MID2: variants seen among roughly 807,000 people sequenced by gnomAD.
MID2 encodes the protein probable E3 ubiquitin-protein ligase MID2.
MID2 carries 13 observed loss-of-function variants against 46.1 expected under a neutral mutation model. The observed-to-expected ratio is 0.28, with a 90% CI of 0.18 to 0.45. The LOEUF (loss-of-function observed/expected upper bound fraction) is 0.45. MID2 is among the 20% of genes least tolerant of loss of function. The probability of loss-of-function intolerance (pLI) is 1.00; values close to 1 mark genes in which losing one functional copy is unlikely to be tolerated. For synonymous variants in MID2, 199 were observed against 212.3 expected (o/e 0.94, Z 0.55); for missense variants, 431 against 575.4 (o/e 0.75, Z 2.57).
At chrX:107,827,108 TAAGTA>T (rs747741369) in intron 1 of MID2, among the ~76,000 whole-genome samples, 94 of 112,632 alleles carry the variant, frequency 8.3e-4, no homozygotes, top group Non-Finnish European at 5.6e-4. Context: ...TTGTAAGAAT[TAAGTA>T]AATAACGGCG....
At chrX:107,836,823 A>G (rs1931217556) in intron 1 of MID2, among the ~76,000 whole-genome samples, 1 of 112,044 alleles carries the variant, frequency 8.9e-6, no homozygotes, top group South Asian at 3.7e-4. Flanking sequence ...TATGATAATT[A>G]AAAATCAAAC....
intron 2 of MID2, among the ~76,000 whole-genome samples, chrX:107,846,449 CAACTCAATGCTCATAA>C (rs763862029): frequency 2.0e-3 from 215 of 110,208 alleles, no homozygotes; most frequent in Non-Finnish European, 3.1e-3. Context: ...AACCAGCCTT[CAACTCAATGCTCATAA>C]AATCATTCTT....
intron 5 of MID2, among the ~76,000 whole-genome samples, chrX:107,911,767 C>T (rs1932898585): frequency 9.0e-6 from 1 of 111,370 alleles, no homozygotes; most frequent in African/African-American, 3.3e-5. Flanking sequence ...AGGCGGAATG[C>T]TGGCTTTTTA....
intron 3 of MID2, among the ~76,000 whole-genome samples, chrX:107,890,620 G>A (rs1602489144): frequency 8.9e-6 from 1 of 112,038 alleles, no homozygotes; most frequent in African/African-American, 3.2e-5. Context: ...CTGTGTGCTG[G>A]GAGAACCACT....
intron 1 of MID2, among the ~76,000 whole-genome samples, chrX:107,830,388 G>A (rs745452363): frequency 4.1e-4 from 46 of 111,614 alleles, no homozygotes; most frequent in Non-Finnish European, 8.3e-4. Context: ...TAGAGGCCAG[G>A]GGGTGCTCCA....
chrX:107,884,714 G>T (rs921214441), intron 3 of MID2, among the ~76,000 whole-genome samples: 3 of 110,891 alleles, frequency 2.7e-5, no homozygotes, highest in African/African-American at 9.7e-5. Context: ...CAAAAACAGG[G>T]CAGATTAGAA....
intron 3 of MID2, among the ~76,000 whole-genome samples, chrX:107,872,508 A>G (rs903088316): frequency 6.2e-5 from 7 of 112,239 alleles, no homozygotes; most frequent in Non-Finnish European, 9.4e-5. Flanking sequence ...GAGTTCCCCA[A>G]TCTCTTCACA....
At chrX:107,838,438 A>G (rs972703059) in intron 1 of MID2, among the ~76,000 whole-genome samples, 2 of 112,236 alleles carry the variant, frequency 1.8e-5, no homozygotes, top group Non-Finnish European at 3.8e-5. Context: ...ATACTGGCCA[A>G]CAACTTTCAA....
At chrX:107,839,015 G>T (rs964599949) in intron 1 of MID2, among the ~76,000 whole-genome samples, 2 of 111,137 alleles carry the variant, frequency 1.8e-5, no homozygotes, top group African/African-American at 6.6e-5. Context: ...AGCCCAGGAG[G>T]CTGAAGCAGG....
chrX:107,917,343 A>G (rs2147871587), intron 6 of MID2, among the ~76,000 whole-genome samples, 163 bp from the exon 7 acceptor site: 1 of 111,852 alleles, frequency 8.9e-6, no homozygotes, highest in Non-Finnish European at 1.9e-5. Flanking sequence ...GGAGCTTGAG[A>G]TCCCAGCATT....
chrX:107,832,881 C>T (rs1321592888), intron 1 of MID2, among the ~76,000 whole-genome samples: 1 of 111,523 alleles, frequency 9.0e-6, no homozygotes, highest in East Asian at 2.8e-4. Context: ...GGGTTCTTTT[C>T]TAATCATGGT....
At chrX:107,873,830 T>C (rs772142986) in intron 3 of MID2, among the ~76,000 whole-genome samples, 1 of 111,815 alleles carries the variant, frequency 8.9e-6, no homozygotes, top group East Asian at 2.8e-4. Context: ...TTCCTGATGG[T>C]ATTTAATGGG....
At chrX:107,845,807 C>T (rs1300049562) in intron 2 of MID2, among the ~76,000 whole-genome samples, 1 of 111,197 alleles carries the variant, frequency 9.0e-6, no homozygotes, top group African/African-American at 3.3e-5. Context: ...ACACCCACTA[C>T]TGTCTGCCAA....
intron 7 of MID2, among the ~76,000 whole-genome samples, chrX:107,921,806 C>T (rs1369990443): frequency 9.0e-6 from 1 of 111,213 alleles, no homozygotes; most frequent in Non-Finnish European, 1.9e-5. Flanking sequence ...TTTCTGGGTC[C>T]TTATAATATT....
intron 3 of MID2, among the ~76,000 whole-genome samples, chrX:107,889,114 A>G (rs1375058396): frequency 9.0e-6 from 1 of 111,127 alleles, no homozygotes; most frequent in African/African-American, 3.3e-5. Flanking sequence ...CATTTAGCCC[A>G]TTTACATTTA....
chrX:107,919,750 A>AT (rs1394516430), intron 7 of MID2, among the ~76,000 whole-genome samples: 2 of 111,595 alleles, frequency 1.8e-5, no homozygotes, highest in Admixed American at 9.5e-5. Flanking sequence ...ACATTAGCTG[A>AT]TTCCCAATTG....
chrX:107,885,102 CTTATTTAT>C (rs758914133), intron 3 of MID2, among the ~76,000 whole-genome samples: 36 of 105,483 alleles, frequency 3.4e-4, no homozygotes, highest in African/African-American at 9.9e-4. Context: ...AGGAGAATCT[CTTATTTAT>C]TTATTTATTT....
chrX:107,907,584 AT>A (rs1932846688), intron 5 of MID2, among the ~76,000 whole-genome samples: 1 of 110,758 alleles, frequency 9.0e-6, no homozygotes. Flanking sequence ...CTTCACATCC[AT>A]TTTTAACCCA....
At chrX:107,882,246 A>G (rs1932336126) in intron 3 of MID2, among the ~76,000 whole-genome samples, 2 of 112,396 alleles carry the variant, frequency 1.8e-5, no homozygotes, top group Non-Finnish European at 1.9e-5. Flanking sequence ...TAAAATCATA[A>G]AAACCCTAGA....
Sources: gnomAD v4.1 joint callset for allele counts (sites outside exome capture counted in the v4.1 genomes callset) on GRCh38, gnomAD v4.1.1 for gene constraint, MANE v1.5 for transcripts, NCBI Gene and HGNC (gene_info 2026-07-23, HGNC 2026-07-21) for gene names.